PHF2: variants seen among roughly 807,000 people sequenced by gnomAD.
The protein encoded by PHF2 is PHD finger protein 2, also known as lysine-specific demethylase PHF2.
PHF2 carries 27 observed loss-of-function variants against 120.5 expected under a neutral mutation model. The ratio of observed to expected loss-of-function variants is 0.22; its 90% CI spans 0.17 to 0.31. PHF2 has a LOEUF of 0.31. PHF2 is among the 10% of genes least tolerant of loss of function. The pLI, the probability that PHF2 is intolerant of heterozygous loss-of-function variation, is 1.00. For missense variants in PHF2, 1,024 were observed against 1,434.8 expected (o/e 0.71, Z 4.63); for synonymous variants, 568 against 592.5 (o/e 0.96, Z 0.60).
chr9:93,629,712 A>G (rs762441576), intron 1 of PHF2, among the ~76,000 whole-genome samples: 4 of 152,086 alleles, frequency 2.6e-5, no homozygotes, highest in Admixed American at 6.5e-5. Context: ...TAGATGGCCT[A>G]TTCATTGGGT....
At chr9:93,666,110 G>A in intron 16 of PHF2, 50 bp downstream of exon 16, 4 of 1,583,102 alleles carry the variant, frequency 2.5e-6, no homozygotes, top group Non-Finnish European at 3.5e-6. Flanking sequence ...TCTCTGGGCA[G>A]TCCCCAAGGC....
At chr9:93,653,780 G>A (rs1226128798) in intron 6 of PHF2, among the ~76,000 whole-genome samples, 1 of 152,208 alleles carries the variant, frequency 6.6e-6, no homozygotes, top group Non-Finnish European at 1.5e-5. Flanking sequence ...GGCTGAGAGA[G>A]GGAAGCCAGA....
chr9:93,578,483 T>G (rs1862875275), intron 1 of PHF2, among the ~76,000 whole-genome samples: 1 of 152,220 alleles, frequency 6.6e-6, no homozygotes, highest in Admixed American at 6.5e-5. Context: ...GTGGGGCCTC[T>G]GCCTTCTCCC....
At chr9:93,625,175 C>T (rs1004453846) in intron 1 of PHF2, among the ~76,000 whole-genome samples, 2 of 152,172 alleles carry the variant, frequency 1.3e-5, no homozygotes, top group African/African-American at 4.8e-5. Flanking sequence ...TTTCTGTCTC[C>T]ATGGATATAC....
intron 3 of PHF2, among the ~76,000 whole-genome samples, chr9:93,637,444 T>G (rs142967248): frequency 6.6e-6 from 1 of 152,328 alleles, no homozygotes; most frequent in African/African-American, 2.4e-5. Context: ...CCCATAACCT[T>G]TATACATCAT....
intron 17 of PHF2, chr9:93,671,225 G>GAT: frequency 1.0e-6 from 1 of 964,944 alleles, no homozygotes; most frequent in South Asian, 4.8e-5. Flanking sequence ...TGTAGTTGCA[G>GAT]GTGTGTGGGA....
chr9:93,593,084 CAAAAAAAAAAAAAAAA>C (rs200919035), intron 1 of PHF2, among the ~76,000 whole-genome samples: 2 of 83,380 alleles, frequency 2.4e-5, no homozygotes, highest in Non-Finnish European at 4.7e-5. Context: ...TCCTTTATGC[CAAAAAAAAAAAAAAAA>C]AAAAAAAAAA....
At chr9:93,618,394 T>C (rs13296529) in intron 1 of PHF2, among the ~76,000 whole-genome samples, 104,632 of 151,822 alleles carry the variant, frequency 0.69, 36,803 homozygotes, top group African/African-American at 0.82. Context: ...CGCATACGCA[T>C]GCATACACAT....
chr9:93,628,190 A>G (rs1462061647), intron 1 of PHF2, among the ~76,000 whole-genome samples: 1 of 152,208 alleles, frequency 6.6e-6, no homozygotes, highest in Non-Finnish European at 1.5e-5. Context: ...ATCAATATTC[A>G]TTAGAGATAC....
intron 2 of PHF2, among the ~76,000 whole-genome samples, chr9:93,633,615 C>T (rs1244482814): frequency 6.6e-6 from 1 of 152,294 alleles, no homozygotes; most frequent in Non-Finnish European, 1.5e-5. Flanking sequence ...ACCTCCTTGC[C>T]CCTCTGTGTA....
At chr9:93,607,221 A>G (rs1156884450) in intron 1 of PHF2, among the ~76,000 whole-genome samples, 4 of 152,052 alleles carry the variant, frequency 2.6e-5, no homozygotes, top group African/African-American at 2.4e-5. Context: ...TTCAGAATCA[A>G]TTTGTCAATA....
At chr9:93,612,918 G>T (rs1825661030) in intron 1 of PHF2, among the ~76,000 whole-genome samples, 1 of 152,198 alleles carries the variant, frequency 6.6e-6, no homozygotes, top group African/African-American at 2.4e-5. Flanking sequence ...GCTCACAGAT[G>T]GGGGACTTCT....
intron 3 of PHF2, among the ~76,000 whole-genome samples, chr9:93,645,260 C>T (rs1350306294): frequency 6.6e-6 from 1 of 152,222 alleles, no homozygotes; most frequent in Non-Finnish European, 1.5e-5. Flanking sequence ...AGGAGCTGCC[C>T]CCGTCCTCAC....
chr9:93,601,914 G>A lies in PHF2; in HGVS notation c.98+25043G>A, dbSNP rs370494529. Among the ~76,000 whole-genome samples, 25 of 150,172 alleles carry A rather than the reference G, an allele frequency of 1.7e-4. No individual in the cohort carries two copies. The South Asian group carries it at 4.5e-3, about 27-fold the overall frequency. On this transcript the variant is annotated intron_variant, in intron 1 of 21. Coordinates refer to ENST00000359246, the MANE Select transcript of PHF2 (RefSeq NM_005392.4). ...GCAGGTTTTCTCATGGGGATCTCACGCCCAAGGATGGGAGTGCGGGGGTGG... is the reference window on the plus strand; with the variant it reads ...GCAGGTTTTCTCATGGGGATCTCACACCCAAGGATGGGAGTGCGGGGGTGG...
Position 93,636,409 on chromosome 9 carries a change from A to G in PHF2, c.185-2A>G, listed in dbSNP as rs1484047419. 6.2e-7 allele frequency: 1 copy of G among 1,601,962 alleles called. No individual in the cohort carries two copies. Among genetic ancestry groups the G allele is most frequent in the Non-Finnish European group, 8.5e-7 (1 of 1,174,288 alleles). ...CGACCTTGCTTCCGGTCTCCTCCAC[A>G]GTAAAGAAGAAGCGGACCTGGCACA... On this transcript the variant is annotated splice_acceptor_variant, in intron 2 of 21. Transcript: ENST00000359246. LOFTEE classifies it high-confidence loss of function.
rs777672986 is a variant in PHF2 at position 93,671,202 on chromosome 9, GAGT to G, written c.2349-2380_2349-2378del. The G allele has an allele frequency of 1.9e-3, 1,805 of 942,248 alleles. 114 individuals carry two copies. Among genetic ancestry groups the G allele is most frequent in the Non-Finnish European group, 2.2e-3 (1,712 of 792,808 alleles). The allele number at this position is 942,248 out of a possible 1,614,324, so 58.4% of individuals were successfully genotyped here. On this transcript the variant is annotated intron_variant, in intron 17 of 21. Coordinates refer to ENST00000359246, the MANE Select transcript of PHF2 (RefSeq NM_005392.4). ...GGTGTAGATGCAGCTGTGGGTGTGGGAGTAGGCACAGGTGTAGTTGCAGGTGTG... is the reference window on the plus strand; with the variant it reads ...GGTGTAGATGCAGCTGTGGGTGTGGGAGGCACAGGTGTAGTTGCAGGTGTG...
intron 1 of PHF2, among the ~76,000 whole-genome samples, chr9:93,607,589 A>G (rs1171157031): frequency 2.6e-5 from 4 of 151,658 alleles, no homozygotes; most frequent in African/African-American, 9.7e-5. Context: ...GGCCTGGGAT[A>G]TTGATTAGGA....
At chr9:93,598,522 A>G (rs376783252) in intron 1 of PHF2, among the ~76,000 whole-genome samples, 1 of 152,126 alleles carries the variant, frequency 6.6e-6, no homozygotes. Flanking sequence ...GGTTGTGTCC[A>G]TGATAGTCCT....
chr9:93,657,385 G>C (rs1240438216), intron 9 of PHF2, among the ~76,000 whole-genome samples: 1 of 152,194 alleles, frequency 6.6e-6, no homozygotes, highest in East Asian at 1.9e-4. Context: ...CAAATCTGGA[G>C]CCCTGAGCTT....
Sources: gnomAD v4.1 joint callset for allele counts (sites outside exome capture counted in the v4.1 genomes callset) on GRCh38, gnomAD v4.1.1 for gene constraint, MANE v1.5 for transcripts, NCBI Gene and HGNC (gene_info 2026-07-23, HGNC 2026-07-21) for gene names.